Variants in OSBPL1A observed in about 807,000 individuals in gnomAD.
The protein encoded by OSBPL1A is oxysterol binding protein like 1A.
Under a neutral mutation model 137.1 loss-of-function variants are expected in OSBPL1A, and 80 were observed. The observed-to-expected ratio is 0.58, with a 90% CI of 0.49 to 0.70. The LOEUF is 0.70. OSBPL1A is among the 30% of genes least tolerant of loss of function. OSBPL1A has a pLI of 0.00. For missense variants in OSBPL1A, 970 were observed against 1,129.4 expected (o/e 0.86, Z 2.02); for synonymous variants, 365 against 389.7 (o/e 0.94, Z 0.75).
intron 2 of OSBPL1A, among the ~76,000 whole-genome samples, chr18:24,372,784 T>G (rs1905763191): frequency 6.6e-6 from 1 of 151,976 alleles, no homozygotes; most frequent in African/African-American, 2.4e-5. Context: ...CAAGATCCAG[T>G]CAGGCACTGC....
intron 4 of OSBPL1A, among the ~76,000 whole-genome samples, chr18:24,363,130 A>C (rs1014520312): frequency 6.6e-6 from 1 of 152,244 alleles, no homozygotes; most frequent in East Asian, 1.9e-4. Flanking sequence ...TTTTTCTATT[A>C]GAGTGTCTAG....
chr18:24,375,722 A>C (rs984016178), intron 2 of OSBPL1A, among the ~76,000 whole-genome samples: 1 of 152,214 alleles, frequency 6.6e-6, no homozygotes, highest in Non-Finnish European at 1.5e-5. Flanking sequence ...AATCTACTAG[A>C]CTAAGCTCAA....
intron 4 of OSBPL1A, among the ~76,000 whole-genome samples, chr18:24,355,361 G>C (rs2091515574): frequency 6.6e-6 from 1 of 151,554 alleles, no homozygotes; most frequent in South Asian, 2.1e-4. Flanking sequence ...AAATAGCTGG[G>C]CATGGTGGCA....
At chr18:24,180,349 T>C (rs1022736256) in intron 19 of OSBPL1A, among the ~76,000 whole-genome samples, 1 of 152,226 alleles carries the variant, frequency 6.6e-6, no homozygotes, top group South Asian at 2.1e-4. Context: ...ATGTACAACA[T>C]ATACAATCTT....
chr18:24,254,588 T>TG (rs2089213161), intron 15 of OSBPL1A, among the ~76,000 whole-genome samples: 4 of 152,066 alleles, frequency 2.6e-5, no homozygotes, highest in African/African-American at 9.7e-5. Flanking sequence ...GAATGACCAG[T>TG]GGGTCAATGA....
At chr18:24,350,215 G>A (rs1275074518) in intron 4 of OSBPL1A, among the ~76,000 whole-genome samples, 1 of 152,142 alleles carries the variant, frequency 6.6e-6, no homozygotes, top group Non-Finnish European at 1.5e-5. Context: ...TTCTAGAAGG[G>A]GCAGTCTGTA....
At chr18:24,299,494 C>G (rs1293147795) in intron 14 of OSBPL1A, among the ~76,000 whole-genome samples, 1 of 151,982 alleles carries the variant, frequency 6.6e-6, no homozygotes, top group East Asian at 1.9e-4. Context: ...ATTTATCAAA[C>G]TTAGTTTTTC....
intron 2 of OSBPL1A, among the ~76,000 whole-genome samples, chr18:24,373,751 GA>G (rs2146201175): frequency 6.6e-6 from 1 of 152,200 alleles, no homozygotes; most frequent in South Asian, 2.1e-4. Context: ...AGAAAGGAAA[GA>G]AAACCAAGAA....
chr18:24,218,711 G>T (rs1369591398), intron 17 of OSBPL1A, among the ~76,000 whole-genome samples: 2 of 152,126 alleles, frequency 1.3e-5, no homozygotes, highest in Admixed American at 1.3e-4. Context: ...CTCCCAAAGT[G>T]CTGGGATTAT....
chr18:24,265,458 C>T (rs932584573), intron 15 of OSBPL1A, among the ~76,000 whole-genome samples: 1 of 151,952 alleles, frequency 6.6e-6, no homozygotes, highest in East Asian at 1.9e-4. Context: ...CCAGCCTGGG[C>T]GACAGAGTGA....
chr18:24,371,570 T>C (rs893515067), intron 2 of OSBPL1A, among the ~76,000 whole-genome samples: 5 of 152,128 alleles, frequency 3.3e-5, no homozygotes, highest in Admixed American at 2.0e-4. Context: ...CCCCCTTTAG[T>C]TGCTGATGGG....
At chr18:24,221,767 G>GT (rs1294097053) in intron 17 of OSBPL1A, among the ~76,000 whole-genome samples, 1 of 152,058 alleles carries the variant, frequency 6.6e-6, no homozygotes, top group African/African-American at 2.4e-5. Context: ...TTCATTTTCA[G>GT]TAAGTTTTAT....
intron 18 of OSBPL1A, among the ~76,000 whole-genome samples, chr18:24,188,364 C>T (rs2086804648): frequency 6.6e-6 from 1 of 152,248 alleles, no homozygotes; most frequent in Admixed American, 6.5e-5. Context: ...CCGGGCTTTC[C>T]AGGGGCTTGA....
chr18:24,181,144 C>T lies in OSBPL1A; in HGVS notation c.1812+1G>A. ...AGACCTTTTCCTCCCTTGGCTCATA[C>T]CTGCATCCTTTCCACAGGATCAGAG... On this transcript the variant is annotated splice_donor_variant, in intron 19 of 27. Transcript: ENST00000319481. LOFTEE classifies it high-confidence loss of function. The T allele has an allele frequency of 6.2e-7, 1 of 1,613,618 alleles. No homozygotes were observed. Among genetic ancestry groups the T allele is most frequent in the Non-Finnish European group, 8.5e-7 (1 of 1,179,830 alleles).
intron 18 of OSBPL1A, among the ~76,000 whole-genome samples, chr18:24,195,707 A>C (rs995061329): frequency 3.3e-5 from 5 of 152,192 alleles, no homozygotes; most frequent in African/African-American, 1.2e-4. Flanking sequence ...CAGATAACTA[A>C]GCAGAGACAT....
At chr18:24,283,347 T>C (rs1229451971) in intron 14 of OSBPL1A, among the ~76,000 whole-genome samples, 3 of 146,610 alleles carry the variant, frequency 2.0e-5, no homozygotes, top group Non-Finnish European at 3.0e-5. Flanking sequence ...CACACACATA[T>C]GGATATGAAG....
chr18:24,283,411 AGT>A (rs1451611447), intron 14 of OSBPL1A, among the ~76,000 whole-genome samples: 2 of 151,504 alleles, frequency 1.3e-5, no homozygotes, highest in Non-Finnish European at 2.9e-5. Context: ...CTTACAGAAT[AGT>A]TTTCTCTTGT....
At chr18:24,261,463 G>A (rs2089444065) in intron 15 of OSBPL1A, among the ~76,000 whole-genome samples, 1 of 152,126 alleles carries the variant, frequency 6.6e-6, no homozygotes, top group Non-Finnish European at 1.5e-5. Flanking sequence ...TTAGCAATAG[G>A]AAGGGCATAG....
chr18:24,377,301 G>T, intron 2 of OSBPL1A, 112 bp downstream of exon 2: 1 of 1,301,282 alleles, frequency 7.7e-7, no homozygotes, highest in African/African-American at 1.5e-5. Flanking sequence ...GTTCTTCCTA[G>T]CATGAGAGAT....
Sources: allele counts gnomAD v4.1 joint callset (sites outside exome capture counted in the v4.1 genomes callset), GRCh38; gene constraint gnomAD v4.1.1; transcripts MANE v1.5; gene names NCBI Gene and HGNC (gene_info 2026-07-23, HGNC 2026-07-21).